Variants in NUP155 observed in about 807,000 individuals in gnomAD.
NUP155 encodes nucleoporin 155.
A neutral mutation model predicts 180.4 loss-of-function variants in NUP155; 71 were observed. The ratio of observed to expected loss-of-function variants is 0.39; its 90% CI spans 0.33 to 0.48. NUP155 has a LOEUF of 0.48. Ranked by LOEUF, NUP155 falls within the 20% of genes least tolerant of loss-of-function variation. NUP155 has a pLI of 0.91. For synonymous variants in NUP155, 582 were observed against 559.5 expected (o/e 1.04, Z -0.57); for missense variants, 1,553 against 1,648.9 (o/e 0.94, Z 1.01).
intron 12 of NUP155, among the ~76,000 whole-genome samples, chr5:37,336,518 CAT>C (rs997416085): frequency 5.3e-5 from 8 of 152,080 alleles, no homozygotes; most frequent in Non-Finnish European, 1.2e-4. Context: ...GCTTTACACA[CAT>C]GAGCTCATTT....
chr5:37,302,084 G>A (rs189637817), intron 29 of NUP155, among the ~76,000 whole-genome samples: 2 of 152,086 alleles, frequency 1.3e-5, no homozygotes, highest in East Asian at 3.9e-4. Context: ...ACAAACTTTT[G>A]TATTTGGACG....
intron 1 of NUP155, among the ~76,000 whole-genome samples, chr5:37,367,212 T>G (rs1747649601): frequency 6.7e-6 from 1 of 149,772 alleles, no homozygotes; most frequent in Middle Eastern, 3.4e-3. Flanking sequence ...GCCTAGCTAA[T>G]TTTTTTTTTG....
intron 27 of NUP155, among the ~76,000 whole-genome samples, chr5:37,304,161 G>A (rs920210650): frequency 3.7e-4 from 55 of 147,744 alleles, no homozygotes; most frequent in African/African-American, 1.3e-3. Flanking sequence ...GAAGCAGGAG[G>A]ATTGCTGGAA....
chr5:37,299,003 G>C (rs768725043), intron 31 of NUP155, 25 bp from the exon 32 acceptor site: 1 of 1,320,742 alleles, frequency 7.6e-7, no homozygotes, highest in East Asian at 2.3e-5. Context: ...CATGTCATTT[G>C]AAACCCAAAT....
intron 32 of NUP155, among the ~76,000 whole-genome samples, chr5:37,296,958 C>T (rs1742617054): frequency 6.6e-6 from 1 of 152,010 alleles, no homozygotes; most frequent in Admixed American, 6.6e-5. Context: ...GAGCAGATCA[C>T]CTGAGGTCAG....
rs916188571 is a variant in NUP155 at position 37,290,175 on chromosome 5, G to C, written c.*1725C>G. 11 of 152,140 alleles carry C rather than the reference G, an allele frequency of 7.2e-5. No individual in the cohort carries two copies. Among genetic ancestry groups the C allele is most frequent in the African/African-American group, 2.7e-4 (11 of 41,428 alleles). 9.4% of individuals were successfully genotyped at this position (152,140 alleles called of 1,614,324 possible). On this transcript the variant is annotated 3_prime_UTR_variant, in exon 35 of 35. Coordinates refer to ENST00000231498, the MANE Select transcript of NUP155 (RefSeq NM_153485.3). ...AAACAGAAGGTAATTATTTGTGGTA[G>C]CATAAAGAGAGAAGGGAATAGGCCA... is the stretch of plus-strand genomic sequence containing the variant.
rs1742156980 is a variant in NUP155, at chr5:37,289,781, T to A, written c.*2119A>T. The A allele has an allele frequency of 6.6e-6, 1 of 152,244 alleles. No individual in the cohort carries two copies. Among genetic ancestry groups the A allele is most frequent in the Non-Finnish European group, 1.5e-5 (1 of 68,044 alleles). The allele number at this position is 152,244 out of a possible 1,614,324, so 9.4% of individuals were successfully genotyped here. A position where few individuals can be genotyped will look rare whatever the true frequency, so the allele number is the denominator to read the frequency against. ...GCTTAAAACAAAAATGAAGTTCTTA[T>A]CTCTAGCAGAACTGGAGTCACACCT... is the stretch of plus-strand genomic sequence containing the variant. On this transcript the variant is annotated 3_prime_UTR_variant, in exon 35 of 35. Coordinates refer to ENST00000231498, the MANE Select transcript of NUP155 (RefSeq NM_153485.3).
At chr5:37,369,581 T>G (rs1331966560) in intron 1 of NUP155, among the ~76,000 whole-genome samples, 1 of 150,946 alleles carries the variant, frequency 6.6e-6, no homozygotes, top group Non-Finnish European at 1.5e-5. Context: ...GAGGCCAAAA[T>G]GAGTAATGTT....
At chr5:37,307,537 T>TA (rs1743234904) in intron 24 of NUP155, 105 bp from the exon 25 acceptor site, 1 of 1,057,118 alleles carries the variant, frequency 9.5e-7, no homozygotes, top group Non-Finnish European at 1.5e-6. Context: ...GTCTCTACTG[T>TA]ACAATAGTCA....
chr5:37,296,556 C>CCGG (rs58507411), intron 32 of NUP155, among the ~76,000 whole-genome samples: 22,220 of 148,790 alleles, frequency 0.15, 1,743 homozygotes, highest in South Asian at 0.18. Context: ...CTGCGGAAGG[C>CCGG]AGCCGCAGGG....
Position 37,310,561 on chromosome 5 carries a change from A to C in NUP155, c.2619T>G (p.Ile873Met). 6.2e-7 allele frequency: 1 copy of C among 1,612,392 alleles called. No individual in the cohort carries two copies. The highest frequency in any genetic ancestry group is 8.5e-7 in the Non-Finnish European group (1 of 1,178,742). ...TAATAAAGTATCATACCTTAGAACA[A>C]ATTGCATCATCAGTGCTATATAGAA... is the stretch of plus-strand genomic sequence containing the variant. ...CPLLYSTDDAICSKANELLQR... is the reference protein window; with the variant it reads ...CPLLYSTDDAMCSKANELLQR... The change falls in exon 23 of 35, where the codon ATT becomes ATG. Residue 873 changes from isoleucine to methionine, a missense_variant. By Grantham distance (10) the Ile-to-Met change is conservative. Coordinates refer to ENST00000231498, the MANE Select transcript of NUP155 (RefSeq NM_153485.3).
chr5:37,341,968 T>A (rs887650343), intron 10 of NUP155, among the ~76,000 whole-genome samples: 2 of 152,166 alleles, frequency 1.3e-5, no homozygotes, highest in African/African-American at 4.8e-5. Context: ...AACCAAGAAA[T>A]CTTGTGTTCC....
At chr5:37,358,739 G>C (rs217855) in intron 3 of NUP155, among the ~76,000 whole-genome samples, 148,344 of 152,268 alleles carry the variant, frequency 0.97, 72,397 homozygotes, top group East Asian at 1. Flanking sequence ...AAAAGACTGG[G>C]TGGGCACAGT....
Position 37,330,080 on chromosome 5 carries a change from C to T in NUP155, c.1682G>A (p.Cys561Tyr). 6.2e-7 allele frequency: 1 copy of T among 1,613,842 alleles called. No individual in the cohort carries two copies. The highest frequency in any genetic ancestry group is 8.5e-7 in the Non-Finnish European group (1 of 1,179,878). Residue 561 changes from cysteine to tyrosine, a missense_variant, in exon 15 of 35, where the codon TGT becomes TAT. Cys to Tyr is a radical substitution (Grantham distance 194, BLOSUM62 -2). Transcript: ENST00000231498. Reference protein sequence around the residue: ...CLILACSTAACDREVSAWATR... With the variant: ...CLILACSTAAYDREVSAWATR... ...AGCCCAGGCAGATACTTCTCTATCA[C>T]AGGCAGCAGTGGAGCAAGCAAGAAT...
At chr5:37,364,862 T>C (rs1470668628) in intron 1 of NUP155, among the ~76,000 whole-genome samples, 1 of 151,788 alleles carries the variant, frequency 6.6e-6, no homozygotes, top group Non-Finnish European at 1.5e-5. Context: ...GGTCTTGATC[T>C]CCTGACCTCA....
intron 3 of NUP155, among the ~76,000 whole-genome samples, chr5:37,362,416 G>A (rs1467426702): frequency 6.6e-6 from 1 of 151,834 alleles, no homozygotes; most frequent in African/African-American, 2.4e-5. Flanking sequence ...AGCCTCCCGA[G>A]TAGCTGCGAT....
chr5:37,326,049 G>T, intron 18 of NUP155, 82 bp from the exon 19 acceptor site: 1 of 975,798 alleles, frequency 1.0e-6, no homozygotes, highest in Non-Finnish European at 1.6e-6. Flanking sequence ...GGAACTTAAT[G>T]GCTTTATTCA....
At chr5:37,349,546 A>T (rs1347339460) in intron 7 of NUP155, among the ~76,000 whole-genome samples, 1 of 152,120 alleles carries the variant, frequency 6.6e-6, no homozygotes, top group Admixed American at 6.6e-5. Context: ...ATTCTAAGTT[A>T]TTTTTTCATG....
chr5:37,329,860 T>C (rs896773293), intron 15 of NUP155, among the ~76,000 whole-genome samples, 178 bp downstream of exon 15: 14 of 152,254 alleles, frequency 9.2e-5, no homozygotes, highest in African/African-American at 3.4e-4. Flanking sequence ...TATGCTAATT[T>C]ACTTGCTTCT....
Sources: allele counts gnomAD v4.1 joint callset (sites outside exome capture counted in the v4.1 genomes callset), GRCh38; gene constraint gnomAD v4.1.1; transcripts MANE v1.5; gene names NCBI Gene and HGNC (gene_info 2026-07-23, HGNC 2026-07-21).